Variants in EVL observed in about 807,000 individuals in gnomAD.
EVL encodes Enah/Vasp-like, also known as ena/VASP-like protein.
A neutral mutation model predicts 59.6 loss-of-function variants in EVL; 21 were observed. The ratio of observed to expected loss-of-function variants is 0.35; its 90% confidence interval spans 0.25 to 0.51. The LOEUF (loss-of-function observed/expected upper bound fraction) is 0.51. Among genes scored for constraint, EVL ranks in the 20% least tolerant of loss-of-function variants. The pLI is 0.97. For synonymous variants in EVL, 198 were observed against 203.5 expected, an observed-to-expected ratio of 0.97 and a Z score of 0.23; for missense variants, 462 against 546.6, an observed-to-expected ratio of 0.85 and a Z score of 1.54.
At chr14:100,076,772 CA>C (rs2062171730) in intron 1 of EVL, among the ~76,000 whole-genome samples, 1 of 152,084 alleles carries the variant, frequency 6.6e-6, no homozygotes, top group Non-Finnish European at 1.5e-5. Flanking sequence ...TGCATTTCCA[CA>C]AGACTAAGCC....
In EVL at chr14:100,106,498, C is replaced by T. The variant is rs75172774; in HGVS notation, c.358+8840C>T. 7.1e-4 allele frequency: 124 copies of T among 174,850 alleles called. No homozygotes were observed. The East Asian group carries it at 0.018, about 26-fold the overall frequency. The allele number at this position is 174,850 out of a possible 1,614,324, so 10.8% of individuals were successfully genotyped here. On this transcript the variant is annotated intron_variant, in intron 3 of 13. Coordinates refer to ENST00000392920, the MANE Select transcript of EVL (RefSeq NM_016337.3). ...GTGGGTAGGTGCAAGCGTGGACCGC[C>T]TCCGTCTCCTAGTGTAGCTGGGTCT...
rs546070942 is a variant in EVL at position 100,043,307 on chromosome 14, GTGTATA to G, written c.6-41367_6-41362del. Among the ~76,000 whole-genome samples, 16 of 150,096 alleles carry G rather than the reference GTGTATA, an allele frequency of 1.1e-4. No homozygotes were observed. The East Asian group carries it at 1.5e-3, about 15-fold the overall frequency. ...TGTGTATATATATGTGTGTGTGTGTGTGTATATGTATATGTATAGATATACAAGGGA... is the reference window on the plus strand; with the variant it reads ...TGTGTATATATATGTGTGTGTGTGTGTGTATATGTATAGATATACAAGGGA... On this transcript the variant is annotated intron_variant, in intron 1 of 13. Coordinates refer to the EVL transcript ENST00000402714.
intron 1 of EVL, among the ~76,000 whole-genome samples, chr14:100,017,832 G>C: frequency 6.6e-6 from 1 of 152,226 alleles, no homozygotes; most frequent in Non-Finnish European, 1.5e-5. Context: ...GATTCCCCCA[G>C]ACACCTCCCT....
chr14:100,049,454 C>G lies in EVL; in HGVS notation c.6-35233C>G, dbSNP rs142297234. On this transcript the variant is annotated intron_variant, in intron 1 of 13. Transcript: ENST00000402714. Reference sequence around the variant, plus strand: ...TTATGTCATTGTACTCTCTGGACAGCTGAAATAACTTGAGAATTATCACCC... The same window carrying G: ...TTATGTCATTGTACTCTCTGGACAGGTGAAATAACTTGAGAATTATCACCC... 5.3e-5 allele frequency among the ~76,000 whole-genome samples: 8 copies of G among 152,204 alleles called. No individual in the cohort carries two copies. The East Asian group carries it at 1.5e-3, about 29-fold the overall frequency.
intron 1 of EVL, among the ~76,000 whole-genome samples, chr14:99,990,479 C>G (rs139976061): frequency 8.9e-4 from 135 of 152,224 alleles, no homozygotes; most frequent in African/African-American, 3.2e-3. Context: ...CTCTAAACCC[C>G]ATTAAACACT....
chr14:100,073,619 C>T (rs1595134029), intron 1 of EVL, among the ~76,000 whole-genome samples: 1 of 152,116 alleles, frequency 6.6e-6, no homozygotes, highest in African/African-American at 2.4e-5. Flanking sequence ...TGTGCCCGGC[C>T]CTTGTTTTAT....
intron 1 of EVL, among the ~76,000 whole-genome samples, chr14:100,071,218 A>G (rs2062042481): frequency 6.6e-6 from 1 of 152,214 alleles, no homozygotes; most frequent in Non-Finnish European, 1.5e-5. Flanking sequence ...TTATTTACCC[A>G]AAGCCTTTCT....
At chr14:100,137,452 C>G (rs930679118) in intron 9 of EVL, 126 bp from the exon 10 acceptor site, 116 of 1,009,684 alleles carry the variant, frequency 1.1e-4, no homozygotes, top group South Asian at 4.5e-4. Flanking sequence ...TCAATCAGAC[C>G]TTCCTGCCAC....
At chr14:100,033,888 G>A (rs560014725) in intron 1 of EVL, among the ~76,000 whole-genome samples, 3 of 152,222 alleles carry the variant, frequency 2.0e-5, no homozygotes, top group African/African-American at 4.8e-5. Flanking sequence ...ACAAGACTTC[G>A]TGGGAAAAAC....
chr14:100,000,959 G>A (rs1424523348), intron 1 of EVL, among the ~76,000 whole-genome samples: 3 of 152,094 alleles, frequency 2.0e-5, no homozygotes, highest in African/African-American at 7.2e-5. Flanking sequence ...TAGGTCCTGA[G>A]TTATTAGGAA....
Position 100,065,425 on chromosome 14 carries a change from G to A in EVL, c.-76G>A. The stretch of plus-strand genomic sequence containing the variant: ...AGTTGCTGTCTTCAGAGGGTCTGTG[G>A]TCCTCTGATCAACATAGGCTGGTGG... On this transcript the variant is annotated 5_prime_UTR_variant, in exon 1 of 14. Transcript: ENST00000392920. The A allele has an allele frequency of 7.6e-7, 1 of 1,322,312 alleles. No homozygotes were observed. The highest frequency in any genetic ancestry group is 9.8e-7 in the Non-Finnish European group (1 of 1,021,430). 81.9% of individuals were successfully genotyped at this position (1,322,312 alleles called of 1,614,324 possible).
chr14:100,099,483 TA>T (rs1886057054), intron 3 of EVL, among the ~76,000 whole-genome samples: 1 of 152,312 alleles, frequency 6.6e-6, no homozygotes, highest in South Asian at 2.1e-4. Flanking sequence ...GTAGAGCAGG[TA>T]CTGGCAGCTT....
chr14:99,986,156 G>T (rs2060838725), intron 1 of EVL, among the ~76,000 whole-genome samples: 1 of 151,934 alleles, frequency 6.6e-6, no homozygotes, highest in South Asian at 2.1e-4. Flanking sequence ...GCCAGACGTG[G>T]TGGCATGTGC....
intron 1 of EVL, among the ~76,000 whole-genome samples, chr14:99,992,277 C>T (rs1210601043): frequency 2.0e-5 from 3 of 152,076 alleles, no homozygotes; most frequent in Non-Finnish European, 2.9e-5. Context: ...GTTCAAGTCA[C>T]TTGCTCATTT....
At chr14:100,031,881 A>C (rs1265242208) in intron 1 of EVL, among the ~76,000 whole-genome samples, 3 of 152,194 alleles carry the variant, frequency 2.0e-5, no homozygotes, top group Non-Finnish European at 4.4e-5. Flanking sequence ...TTGAAAATCA[A>C]CTCTGGGTCC....
chr14:100,106,038 G>A (rs1049889533), intron 3 of EVL: 2 of 152,224 alleles, frequency 1.3e-5, no homozygotes, highest in African/African-American at 4.8e-5. Flanking sequence ...TGATGTTCTA[G>A]ACTCTGAAAT....
At chr14:100,021,215 A>G (rs2061118502) in intron 1 of EVL, among the ~76,000 whole-genome samples, 1 of 152,130 alleles carries the variant, frequency 6.6e-6, no homozygotes, top group Admixed American at 6.5e-5. Context: ...ATGGTTAGGG[A>G]AGAGGGTTAT....
At chr14:99,998,914 C>T (rs897397752) in intron 1 of EVL, among the ~76,000 whole-genome samples, 11 of 152,024 alleles carry the variant, frequency 7.2e-5, no homozygotes, top group Non-Finnish European at 1.0e-4. Flanking sequence ...ATCTCAAGAC[C>T]ATGCTATTAC....
intron 1 of EVL, among the ~76,000 whole-genome samples, chr14:100,003,674 C>G (rs868449880): frequency 6.6e-6 from 1 of 152,156 alleles, no homozygotes; most frequent in Non-Finnish European, 1.5e-5. Context: ...CCTCCTTGGT[C>G]TCTCAAAGCA....
Sources: allele counts gnomAD v4.1 joint callset (sites outside exome capture counted in the v4.1 genomes callset), GRCh38; gene constraint gnomAD v4.1.1; transcripts MANE v1.5; gene names NCBI Gene and HGNC (gene_info 2026-07-23, HGNC 2026-07-21).